Variants in PLCL1 observed in about 807,000 individuals in gnomAD.
The protein encoded by PLCL1 is inactive phospholipase C-like protein 1.
A neutral mutation model predicts 84.4 loss-of-function variants in PLCL1; 41 were observed. The ratio of observed to expected loss-of-function variants is 0.49; its 90% CI spans 0.38 to 0.63. The LOEUF (loss-of-function observed/expected upper bound fraction) is 0.63. PLCL1 is among the 30% of genes least tolerant of loss of function. The probability of loss-of-function intolerance (pLI) is 0.00; values close to 1 mark genes in which losing one functional copy is unlikely to be tolerated. For missense variants in PLCL1, 1,206 were observed against 1,367.8 expected (o/e 0.88, Z 1.87); for synonymous variants, 490 against 488.3 (o/e 1.00, Z -0.05).
intron 3 of PLCL1, among the ~76,000 whole-genome samples, chr2:198,093,015 A>G (rs1051112905): frequency 6.6e-6 from 1 of 152,180 alleles, no homozygotes; most frequent in African/African-American, 2.4e-5. Context: ...CCTTGATTTT[A>G]CCTCTCTGAC....
intron 1 of PLCL1, among the ~76,000 whole-genome samples, chr2:198,077,356 A>T (rs58651534): frequency 0.04 from 5,974 of 151,198 alleles, 377 homozygotes; most frequent in African/African-American, 0.14. Context: ...ATAATAATTT[A>T]AAAAAAAAGG....
At chr2:197,922,039 AT>A (rs1553502549) in intron 1 of PLCL1, among the ~76,000 whole-genome samples, 1 of 125,312 alleles carries the variant, frequency 8.0e-6, no homozygotes, top group Non-Finnish European at 1.7e-5. Flanking sequence ...TTTATTGATA[AT>A]TCTTGGGTGT....
intron 1 of PLCL1, among the ~76,000 whole-genome samples, chr2:198,011,099 C>A (rs753401559): frequency 1.6e-4 from 24 of 151,492 alleles, no homozygotes; most frequent in Non-Finnish European, 3.2e-4. Context: ...TGTTTCTATT[C>A]TTTATTTGAT....
chr2:197,813,107 C>G (rs1286401955), intron 1 of PLCL1, among the ~76,000 whole-genome samples: 2 of 152,160 alleles, frequency 1.3e-5, no homozygotes, highest in Non-Finnish European at 2.9e-5. Flanking sequence ...TGTTTCCCCT[C>G]TAAGCCTCCC....
intron 1 of PLCL1, among the ~76,000 whole-genome samples, chr2:197,981,532 C>T (rs1355079147): frequency 6.6e-6 from 1 of 152,148 alleles, no homozygotes; most frequent in Non-Finnish European, 1.5e-5. Flanking sequence ...GACACACAAA[C>T]TTTACTTTGT....
At chr2:197,953,913 A>G (rs1689437581) in intron 1 of PLCL1, among the ~76,000 whole-genome samples, 1 of 151,438 alleles carries the variant, frequency 6.6e-6, no homozygotes, top group South Asian at 2.1e-4. Context: ...CACCAATGCC[A>G]CAGTAGAATA....
intron 5 of PLCL1, among the ~76,000 whole-genome samples, chr2:198,120,307 C>G (rs187529957): frequency 6.6e-6 from 1 of 152,046 alleles, no homozygotes; most frequent in Admixed American, 6.5e-5. Flanking sequence ...AAGGATCTAT[C>G]CTTTGTGTTT....
chr2:197,886,970 A>G (rs1687935029), intron 1 of PLCL1, among the ~76,000 whole-genome samples: 1 of 152,168 alleles, frequency 6.6e-6, no homozygotes, highest in South Asian at 2.1e-4. Context: ...TATTTTATCT[A>G]ATTGGCTCCT....
intron 1 of PLCL1, among the ~76,000 whole-genome samples, chr2:197,849,819 A>G (rs1047525575): frequency 3.9e-5 from 6 of 152,190 alleles, no homozygotes; most frequent in South Asian, 2.1e-4. Context: ...CCTTAAATCA[A>G]TACAGAAATG....
At chr2:197,995,609 G>A (rs78537522) in intron 1 of PLCL1, among the ~76,000 whole-genome samples, 2,634 of 152,208 alleles carry the variant, frequency 0.017, 83 homozygotes, top group African/African-American at 0.059. Context: ...GGAGAGCACA[G>A]CATGGGAAGG....
intron 1 of PLCL1, among the ~76,000 whole-genome samples, chr2:197,964,365 A>C (rs1272639095): frequency 6.6e-6 from 1 of 152,134 alleles, no homozygotes; most frequent in Non-Finnish European, 1.5e-5. Context: ...TAGCTAATAT[A>C]AATGGGATTG....
At chr2:197,856,983 GA>G (rs1205191047) in intron 1 of PLCL1, among the ~76,000 whole-genome samples, 1 of 152,014 alleles carries the variant, frequency 6.6e-6, no homozygotes, top group African/African-American at 2.4e-5. Flanking sequence ...TATTGAGAAT[GA>G]GGGGTGGGAA....
chr2:197,995,683 T>G (rs945530021), intron 1 of PLCL1, among the ~76,000 whole-genome samples: 5 of 152,240 alleles, frequency 3.3e-5, no homozygotes, highest in Middle Eastern at 3.4e-3. Context: ...ATGTTCATGG[T>G]GTGGTACAGT....
intron 1 of PLCL1, among the ~76,000 whole-genome samples, chr2:197,996,895 A>G (rs904819970): frequency 2.0e-5 from 3 of 152,172 alleles, no homozygotes; most frequent in African/African-American, 4.8e-5. Context: ...CACTAATGAC[A>G]TTAGGGTGGC....
chr2:198,023,503 G>A (rs1691188658), intron 1 of PLCL1, among the ~76,000 whole-genome samples: 1 of 152,170 alleles, frequency 6.6e-6, no homozygotes, highest in Non-Finnish European at 1.5e-5. Flanking sequence ...CTATCCATCT[G>A]TCAAAGGGCT....
chr2:197,918,960 C>CTT (rs1688651824), intron 1 of PLCL1, among the ~76,000 whole-genome samples: 1 of 143,526 alleles, frequency 7.0e-6, no homozygotes, highest in Non-Finnish European at 1.5e-5. Flanking sequence ...CTCTCTCTCT[C>CTT]TCTCTCTCCC....
chr2:198,061,824 C>T (rs1283907630), intron 1 of PLCL1, among the ~76,000 whole-genome samples: 2 of 152,166 alleles, frequency 1.3e-5, no homozygotes, highest in East Asian at 3.8e-4. Flanking sequence ...TGGTCTCGAA[C>T]TCCTGACCTC....
intron 1 of PLCL1, among the ~76,000 whole-genome samples, chr2:197,958,768 G>T (rs182603816): frequency 6.6e-6 from 1 of 151,940 alleles, no homozygotes; most frequent in Non-Finnish European, 1.5e-5. Context: ...ACACCACAGA[G>T]ATAATGTGAG....
intron 1 of PLCL1, among the ~76,000 whole-genome samples, chr2:197,916,183 C>G (rs1307274689): frequency 6.6e-6 from 1 of 152,172 alleles, no homozygotes; most frequent in East Asian, 1.9e-4. Context: ...TGTTTCATTC[C>G]TTTTCCACAG....
Sources: gnomAD v4.1 joint callset for allele counts (sites outside exome capture counted in the v4.1 genomes callset) on GRCh38, gnomAD v4.1.1 for gene constraint, MANE v1.5 for transcripts, NCBI Gene and HGNC (gene_info 2026-07-23, HGNC 2026-07-21) for gene names.